The following AK9 variants were observed in gnomAD, a reference collection of about 807,000 sequenced individuals.
AK9 encodes adenylate kinase 9.
A neutral mutation model predicts 239.6 loss-of-function variants in AK9; 191 were observed. That is an observed-to-expected ratio of 0.80 (90% CI 0.71 to 0.90). The LOEUF (loss-of-function observed/expected upper bound fraction) is 0.90. Ranked by LOEUF, AK9 falls within the 40% of genes least tolerant of loss-of-function variation. The pLI, the probability that AK9 is intolerant of heterozygous loss-of-function variation, is 0.00. For missense variants in AK9, 1,995 were observed against 2,214.7 expected, an observed-to-expected ratio of 0.90 and a Z score of 1.99; for synonymous variants, 689 against 721.0, an observed-to-expected ratio of 0.96 and a Z score of 0.71.
chr6:109,667,767 G>A (rs1801442256), intron 5 of AK9, among the ~76,000 whole-genome samples: 1 of 152,186 alleles, frequency 6.6e-6, no homozygotes, highest in African/African-American at 2.4e-5. Context: ...ATTGCATGAT[G>A]TATATGTGCC....
intron 17 of AK9, among the ~76,000 whole-genome samples, chr6:109,590,615 T>C (rs557313862): frequency 2.0e-5 from 3 of 152,296 alleles, no homozygotes; most frequent in African/African-American, 7.2e-5. Context: ...CAATGTTACA[T>C]TGTTAATTTG....
chr6:109,624,121 G>T (rs1057308007), intron 12 of AK9, among the ~76,000 whole-genome samples: 9 of 151,572 alleles, frequency 5.9e-5, no homozygotes, highest in African/African-American at 2.2e-4. Context: ...TTCTTCACAA[G>T]TATAAATTTC....
At chr6:109,629,433 T>C (rs558142600) in intron 12 of AK9, among the ~76,000 whole-genome samples, 1 of 152,158 alleles carries the variant, frequency 6.6e-6, no homozygotes, top group Non-Finnish European at 1.5e-5. Flanking sequence ...TTGTTTTCCA[T>C]GCAGTAAAAT....
chr6:109,497,666 CA>C, intron 37 of AK9, 103 bp from the exon 38 acceptor site: 1 of 1,349,168 alleles, frequency 7.4e-7, no homozygotes, highest in East Asian at 2.3e-5. Context: ...CTATGTAGCT[CA>C]AGGAAGAAAT....
chr6:109,536,021 G>T (rs1781937421), intron 27 of AK9, among the ~76,000 whole-genome samples: 1 of 152,186 alleles, frequency 6.6e-6, no homozygotes, highest in Non-Finnish European at 1.5e-5. Context: ...TTGTAGTATA[G>T]TTTGAAGTCA....
intron 5 of AK9, 107 bp downstream of exon 5, chr6:109,671,812 T>C: frequency 1.1e-6 from 1 of 878,336 alleles, no homozygotes; most frequent in Non-Finnish European, 1.8e-6. Context: ...ATGAGATTCT[T>C]ATGCTAAGGC....
chr6:109,642,506 C>T (rs541904624), intron 9 of AK9, among the ~76,000 whole-genome samples: 14 of 152,208 alleles, frequency 9.2e-5, no homozygotes, highest in South Asian at 8.3e-4. Flanking sequence ...GCCAATGGAA[C>T]GTGGGTGGAA....
At position 109,611,029 on chromosome 6, in the gene AK9, G is replaced by C. The variant is rs376686646; in HGVS notation, c.1694-516C>G. On this transcript the variant is annotated intron_variant, in intron 16 of 40. Transcript: ENST00000424296. The stretch of plus-strand genomic sequence containing the variant: ...GTGTGAAGTGTGTCCTTGCATGGCT[G>C]AGTTGGCTCTCAGGCTGCATCATGA... Among the ~76,000 whole-genome samples, 214 of 152,260 alleles carry C rather than the reference G, an allele frequency of 1.4e-3. 1 individual carries two copies. The highest frequency in any genetic ancestry group is 4.6e-3 in the African/African-American group (192 of 41,550).
chr6:109,620,584 T>C (rs1452845567), intron 12 of AK9, among the ~76,000 whole-genome samples: 1 of 152,074 alleles, frequency 6.6e-6, no homozygotes, highest in African/African-American at 2.4e-5. Flanking sequence ...CTTTAATTAA[T>C]ATTTACAGAT....
chr6:109,685,626 T>C (rs1453002934), intron 1 of AK9, among the ~76,000 whole-genome samples: 1 of 152,008 alleles, frequency 6.6e-6, no homozygotes, highest in Non-Finnish European at 1.5e-5. Flanking sequence ...ATACCTAACG[T>C]AGGTGATGGG....
chr6:109,647,184 C>T (rs943532691), intron 8 of AK9, among the ~76,000 whole-genome samples: 6 of 152,108 alleles, frequency 3.9e-5, no homozygotes, highest in Non-Finnish European at 2.9e-5. Context: ...CATCAGCTAA[C>T]GAGCAAAATA....
intron 10 of AK9, among the ~76,000 whole-genome samples, chr6:109,640,622 T>C (rs1014662997): frequency 6.6e-6 from 1 of 151,866 alleles, no homozygotes; most frequent in Non-Finnish European, 1.5e-5. Flanking sequence ...TCTCGCTATG[T>C]CCCAGGCTGG....
chr6:109,539,118 G>T (rs574163936), intron 27 of AK9, among the ~76,000 whole-genome samples: 1 of 152,036 alleles, frequency 6.6e-6, no homozygotes, highest in Non-Finnish European at 1.5e-5. Context: ...TCTTTGTGGC[G>T]TTCTCTGTAT....
At chr6:109,568,406 A>G (rs1215899944) in intron 21 of AK9, among the ~76,000 whole-genome samples, 1 of 152,186 alleles carries the variant, frequency 6.6e-6, no homozygotes, top group East Asian at 1.9e-4. Flanking sequence ...CCTATTCAAC[A>G]TAGTGTTGGA....
At chr6:109,559,175 T>TTTTG (rs1554255495) in intron 24 of AK9, among the ~76,000 whole-genome samples, 3 of 150,766 alleles carry the variant, frequency 2.0e-5, no homozygotes, top group East Asian at 2.0e-4. Flanking sequence ...CTGTTTTTTT[T>TTTTG]TTTGTTTTTT....
chr6:109,643,702 CCTT>C (rs1368110848), intron 9 of AK9, among the ~76,000 whole-genome samples: 5 of 152,062 alleles, frequency 3.3e-5, no homozygotes, highest in South Asian at 4.1e-4. Flanking sequence ...TGGTGCAATC[CCTT>C]CTTATTTCTA....
intron 1 of AK9, among the ~76,000 whole-genome samples, chr6:109,687,326 A>C (rs774138389): frequency 1.2e-4 from 18 of 152,188 alleles, no homozygotes; most frequent in Non-Finnish European, 2.5e-4. Context: ...AACACACCCT[A>C]ATCTGACCTC....
At chr6:109,646,865 A>C (rs1798133680) in intron 8 of AK9, among the ~76,000 whole-genome samples, 2 of 152,224 alleles carry the variant, frequency 1.3e-5, no homozygotes, top group African/African-American at 4.8e-5. Context: ...CACAAAGAGA[A>C]GCCCATCAGA....
At chr6:109,503,275 C>G (rs1777777058) in intron 35 of AK9, among the ~76,000 whole-genome samples, 1 of 151,894 alleles carries the variant, frequency 6.6e-6, no homozygotes. Context: ...TTCTTGGTTG[C>G]TCTTTAGCTC....
Sources: allele counts gnomAD v4.1 joint callset (sites outside exome capture counted in the v4.1 genomes callset), GRCh38; gene constraint gnomAD v4.1.1; transcripts MANE v1.5; gene names NCBI Gene and HGNC (gene_info 2026-07-23, HGNC 2026-07-21).